The following GPHN variants were observed in gnomAD, a reference collection of about 807,000 sequenced individuals.
GPHN encodes gephyrin.
Under a neutral mutation model 95.5 loss-of-function variants are expected in GPHN, and 17 were observed. The observed-to-expected ratio is 0.18, with a 90% CI of 0.12 to 0.27. GPHN has a LOEUF of 0.27. GPHN is among the 10% of genes least tolerant of loss of function. The pLI is 1.00. For missense variants in GPHN, 660 were observed against 978.1 expected (o/e 0.67, Z 4.34); for synonymous variants, 320 against 322.5 (o/e 0.99, Z 0.08).
chr14:67,015,415 C>T (rs2073249097), intron 9 of GPHN, among the ~76,000 whole-genome samples: 2 of 152,040 alleles, frequency 1.3e-5, no homozygotes, highest in South Asian at 4.1e-4. Flanking sequence ...AAAAAAACAG[C>T]AGCCCAGGCG....
intron 4 of GPHN, among the ~76,000 whole-genome samples, chr14:66,849,421 T>C (rs1387330913): frequency 2.0e-5 from 3 of 152,010 alleles, no homozygotes; most frequent in Non-Finnish European, 4.4e-5. Context: ...AATAACTCAC[T>C]CAAAATTGTG....
chr14:67,340,481 GATATA>G, the GPHN span: 1 of 1,613,552 alleles, frequency 6.2e-7, no homozygotes, highest in Non-Finnish European at 8.5e-7. Flanking sequence ...GCTCTGTGAT[GATATA>G]AGCAAGAGTA....
the GPHN span, among the ~76,000 whole-genome samples, chr14:67,700,763 G>A: frequency 1.3e-5 from 2 of 149,238 alleles, no homozygotes; most frequent in East Asian, 4.0e-4. Flanking sequence ...GGTGACTCAT[G>A]CCTGCAATCC....
chr14:67,608,630 C>T, the GPHN span, among the ~76,000 whole-genome samples: 16 of 152,292 alleles, frequency 1.1e-4, no homozygotes, highest in African/African-American at 3.6e-4. Context: ...CTTTCTGGTG[C>T]TAAGCCTCAG....
intron 1 of GPHN, among the ~76,000 whole-genome samples, chr14:66,665,946 T>C (rs1266768591): frequency 1.3e-5 from 2 of 152,086 alleles, no homozygotes; most frequent in East Asian, 3.8e-4. Flanking sequence ...TTCACGTCCT[T>C]TGTAGGGGCA....
chr14:67,100,402 T>C (rs1214874748), intron 12 of GPHN, among the ~76,000 whole-genome samples: 2 of 152,202 alleles, frequency 1.3e-5, no homozygotes, highest in South Asian at 2.1e-4. Context: ...TAAAATGTTA[T>C]AGAAAAATGG....
chr14:66,970,857 G>T (rs1452216537), intron 9 of GPHN, among the ~76,000 whole-genome samples: 2 of 152,142 alleles, frequency 1.3e-5, no homozygotes, highest in Non-Finnish European at 2.9e-5. Context: ...ACAAAAATAT[G>T]TTTTCTTTTG....
chr14:66,681,133 G>A lies in GPHN; in HGVS notation c.91G>A (p.Ala31Thr), dbSNP rs371802458. The change falls in exon 2 of 23, where the codon GCA becomes ACA. Residue 31 changes from alanine to threonine, a missense_variant. By Grantham distance (58) the Ala-to-Thr change is moderately conservative (BLOSUM62 0). Coordinates refer to ENST00000478722, the MANE Select transcript of GPHN (RefSeq NM_020806.5). The part of the protein sequence containing the change: ...TVSDSCFRNL[A>T]EDRSGINLKD... ...GAGTGATAGTTGCTTCAGGAATCTTGCAGAAGACCGCAGTGGGATAAATCT... is the reference window on the plus strand; with the variant it reads ...GAGTGATAGTTGCTTCAGGAATCTTACAGAAGACCGCAGTGGGATAAATCT... The A allele has an allele frequency of 2.5e-6, 4 of 1,597,298 alleles. No homozygotes were observed. Among genetic ancestry groups the A allele is most frequent in the Middle Eastern group, 1.8e-4 (1 of 5,446 alleles).
At chr14:66,975,716 C>CAA (rs76663582) in intron 9 of GPHN, among the ~76,000 whole-genome samples, 9 of 126,000 alleles carry the variant, frequency 7.1e-5, no homozygotes, top group African/African-American at 1.8e-4. Flanking sequence ...CCTGTCTCTA[C>CAA]AAAAAAAAAA....
At chr14:67,577,987 G>A in the GPHN span, 2 of 1,590,670 alleles carry the variant, frequency 1.3e-6, no homozygotes, top group Non-Finnish European at 1.7e-6. Context: ...CCCAGGGGAT[G>A]CTGGTCTGCC....
Position 67,070,715 on chromosome 14 carries a change from A to AAAAAAAAAAAAAATATATATATATAT in GPHN, c.1144+11930_1144+11931insAAAAAAAAAAAATATATATATATATA. On this transcript the variant is annotated intron_variant, in intron 11 of 22. Coordinates refer to ENST00000478722, the MANE Select transcript of GPHN (RefSeq NM_020806.5). ...ATCTCAAAAAAAAAAAAAAAAAAAA[A>AAAAAAAAAAAAAATATATATATATAT]ATATATATATATATCCAATCAGCAT... 5.0e-5 allele frequency among the ~76,000 whole-genome samples: 4 copies of AAAAAAAAAAAAAATATATATATATAT among 80,690 alleles called. No homozygotes were observed. The African/African-American group carries it at 5.0e-4, about 10-fold the overall frequency. The allele number at this position is 80,690 out of a possible 152,430, so 52.9% of individuals were successfully genotyped here.
chr14:67,083,870 T>C (rs1567306616), intron 11 of GPHN, among the ~76,000 whole-genome samples: 1 of 152,232 alleles, frequency 6.6e-6, no homozygotes, highest in African/African-American at 2.4e-5. Flanking sequence ...CTTCTCTATT[T>C]TATATCCTCT....
At chr14:67,571,809 G>A in the GPHN span, 5 of 1,613,940 alleles carry the variant, frequency 3.1e-6, no homozygotes, top group Admixed American at 6.7e-5. Context: ...GTCTGACGAT[G>A]ACTGCAGCTC....
chr14:67,451,286 C>T, the GPHN span, among the ~76,000 whole-genome samples: 3 of 152,228 alleles, frequency 2.0e-5, no homozygotes, highest in Non-Finnish European at 4.4e-5. Context: ...AGAGCCTCCA[C>T]AGAGAGTCCC....
intron 1 of GPHN, among the ~76,000 whole-genome samples, chr14:66,625,202 C>T (rs2063476459): frequency 6.6e-6 from 1 of 152,054 alleles, no homozygotes; most frequent in South Asian, 2.1e-4. Flanking sequence ...CCTTAGCCTC[C>T]CATGTAACTG....
At chr14:67,532,116 C>G in the GPHN span, among the ~76,000 whole-genome samples, 1 of 152,068 alleles carries the variant, frequency 6.6e-6, no homozygotes, top group Admixed American at 6.6e-5. Context: ...TCCCATTGGC[C>G]CAGTTAAATT....
the GPHN span, among the ~76,000 whole-genome samples, chr14:67,399,686 G>A: frequency 6.7e-6 from 1 of 148,676 alleles, no homozygotes; most frequent in Non-Finnish European, 1.5e-5. Context: ...GGTTTAGGTG[G>A]GTCTCAGGTG....
the GPHN span, among the ~76,000 whole-genome samples, chr14:67,286,108 G>A: frequency 6.6e-6 from 1 of 152,168 alleles, no homozygotes; most frequent in African/African-American, 2.4e-5. Context: ...TTCCTTGTAG[G>A]AAATTTGTTA....
At chr14:67,575,844 G>A in the GPHN span, 2 of 1,613,830 alleles carry the variant, frequency 1.2e-6, no homozygotes, top group South Asian at 2.2e-5. Flanking sequence ...CTGCCTGCCT[G>A]TGCGGGATGC....
Sources: gnomAD v4.1 joint callset for allele counts (sites outside exome capture counted in the v4.1 genomes callset) on GRCh38, gnomAD v4.1.1 for gene constraint, MANE v1.5 for transcripts, NCBI Gene and HGNC (gene_info 2026-07-23, HGNC 2026-07-21) for gene names.